Variants in FAM13A observed in about 807,000 individuals in gnomAD.
The protein encoded by FAM13A is protein FAM13A.
FAM13A carries 76 observed loss-of-function variants against 129.6 expected under a neutral mutation model. That is an observed-to-expected ratio of 0.59 (90% confidence interval 0.49 to 0.71). The LOEUF is 0.71. Ranked by LOEUF, FAM13A falls within the 30% of genes least tolerant of loss-of-function variation. The probability of loss-of-function intolerance (pLI) is 0.00; values close to 1 mark genes in which losing one functional copy is unlikely to be tolerated. For synonymous variants in FAM13A, 443 were observed against 449.9 expected (o/e 0.98, Z 0.20); for missense variants, 1,108 against 1,249.3 (o/e 0.89, Z 1.70).
chr4:88,934,587 T>TA (rs1753557990), intron 5 of FAM13A, among the ~76,000 whole-genome samples: 2 of 152,316 alleles, frequency 1.3e-5, no homozygotes, highest in South Asian at 2.1e-4. Flanking sequence ...CTGGAGAAAT[T>TA]AGACTGTGGC....
At chr4:88,947,437 T>C (rs1479650123) in intron 4 of FAM13A, among the ~76,000 whole-genome samples, 1 of 151,942 alleles carries the variant, frequency 6.6e-6, no homozygotes, top group Non-Finnish European at 1.5e-5. Context: ...CACACAGAAA[T>C]GAAGTCGCCC....
intron 6 of FAM13A, among the ~76,000 whole-genome samples, chr4:88,902,858 T>C (rs1442447003): frequency 6.6e-6 from 1 of 151,974 alleles, no homozygotes; most frequent in Non-Finnish European, 1.5e-5. Flanking sequence ...ATCCAGAAAA[T>C]CCCATTATTT....
Position 88,945,990 on chromosome 4 carries a change from G to GTGTGTATATATA in FAM13A, c.606-7750_606-7749insTATATATACACA. Among the ~76,000 whole-genome samples, 608 of 61,546 alleles carry GTGTGTATATATA rather than the reference G, an allele frequency of 9.9e-3. 8 individuals are homozygous for GTGTGTATATATA. Among genetic ancestry groups the GTGTGTATATATA allele is most frequent in the East Asian group, 0.015 (44 of 2,864 alleles). The allele number at this position is 61,546 out of a possible 152,430, so 40.4% of individuals were successfully genotyped here. A position where few individuals can be genotyped will look rare whatever the true frequency, so the allele number is the denominator to read the frequency against. ...TGTGTGTGTGTGTGTGTGTGTGTGT[G>GTGTGTATATATA]TATATATATATATATATATATATAT... On this transcript the variant is annotated intron_variant, in intron 4 of 23. Coordinates refer to ENST00000264344, the MANE Select transcript of FAM13A (RefSeq NM_014883.4).
Position 88,878,287 on chromosome 4 carries a change from CAAAAAAAAAAAAAA to C in FAM13A, c.844-27118_844-27105del, listed in dbSNP as rs56067813. On this transcript the variant is annotated intron_variant, in intron 6 of 23. Transcript: ENST00000264344. ...TGGGCGACAGAGTGAGACTCCATCT[CAAAAAAAAAAAAAA>C]AAAAAAAAAAAAAAAGAAATTTGGT... 7.7e-3 allele frequency among the ~76,000 whole-genome samples: 469 copies of C among 61,094 alleles called. 4 individuals carry two copies. The highest frequency in any genetic ancestry group is 0.033 in the African/African-American group (452 of 13,746). 40.1% of individuals were successfully genotyped at this position (61,094 alleles called of 152,430 possible).
intron 4 of FAM13A, among the ~76,000 whole-genome samples, chr4:88,983,313 T>C (rs946769571): frequency 6.6e-6 from 1 of 151,632 alleles, no homozygotes; most frequent in African/African-American, 2.4e-5. Context: ...TTATGATGGA[T>C]AAAAGAGACT....
At chr4:88,915,786 C>T (rs557504057) in intron 5 of FAM13A, among the ~76,000 whole-genome samples, 1 of 152,018 alleles carries the variant, frequency 6.6e-6, no homozygotes, top group Non-Finnish European at 1.5e-5. Context: ...AAGAGCTCTG[C>T]CCTCAAGAAT....
chr4:88,974,597 C>A (rs147244322), intron 4 of FAM13A, among the ~76,000 whole-genome samples: 1 of 152,132 alleles, frequency 6.6e-6, no homozygotes. Context: ...CTGCCTCAGC[C>A]TCCCGAGTAG....
chr4:88,813,363 G>C lies in FAM13A; in HGVS notation c.1008-8311C>G, dbSNP rs537363420. ...TTATAAACATAAAAACATTGTCTTA[G>C]GGAGGCAGTAATTTAGAACGTAAAA... On this transcript the variant is annotated intron_variant, in intron 7 of 23. Coordinates refer to ENST00000264344, the MANE Select transcript of FAM13A (RefSeq NM_014883.4). Among the ~76,000 whole-genome samples, 3 of 152,228 alleles carry C rather than the reference G, an allele frequency of 2.0e-5. No homozygotes were observed. In the South Asian group the frequency reaches 6.2e-4, roughly 32 times the overall value.
intron 6 of FAM13A, among the ~76,000 whole-genome samples, chr4:88,871,712 A>C (rs1741427961): frequency 6.6e-6 from 1 of 152,232 alleles, no homozygotes; most frequent in South Asian, 2.1e-4. Flanking sequence ...ACCAAGTTGG[A>C]AAACACTCTG....
intron 6 of FAM13A, among the ~76,000 whole-genome samples, chr4:88,853,398 T>A (rs571245554): frequency 3.3e-5 from 5 of 152,224 alleles, no homozygotes; most frequent in East Asian, 3.9e-4. Flanking sequence ...AATACTTTTT[T>A]AAAAAAACAT....
chr4:89,008,980 C>A (rs890063238), intron 3 of FAM13A: 18 of 152,064 alleles, frequency 1.2e-4, no homozygotes, highest in African/African-American at 4.3e-4. Flanking sequence ...TTAAAATGAA[C>A]TCCTCGTCAC....
intron 3 of FAM13A, among the ~76,000 whole-genome samples, chr4:89,009,559 G>A (rs570286970): frequency 6.6e-6 from 1 of 152,292 alleles, no homozygotes; most frequent in African/African-American, 2.4e-5. Context: ...TGAGCTACAT[G>A]GAATTCCCAA....
intron 13 of FAM13A, among the ~76,000 whole-genome samples, chr4:88,763,675 G>T (rs1422710895): frequency 1.3e-5 from 2 of 152,052 alleles, no homozygotes; most frequent in Admixed American, 1.3e-4. Flanking sequence ...TCCTTCCATT[G>T]CCCTGCACAG....
intron 1 of FAM13A, among the ~76,000 whole-genome samples, chr4:89,054,323 G>A (rs1294279445): frequency 2.0e-5 from 3 of 149,218 alleles, no homozygotes; most frequent in Non-Finnish European, 3.0e-5. Flanking sequence ...ACACACGTAC[G>A]TACTACAGAT....
chr4:88,888,654 G>A (rs541322261), intron 6 of FAM13A, among the ~76,000 whole-genome samples: 2 of 152,114 alleles, frequency 1.3e-5, no homozygotes, highest in African/African-American at 2.4e-5. Flanking sequence ...GGCCAGGCAC[G>A]GTGGCTCACG....
intron 21 of FAM13A, chr4:88,732,410 A>G (rs1241336193): frequency 1.2e-5 from 5 of 411,086 alleles, no homozygotes; most frequent in East Asian, 3.6e-5. Flanking sequence ...TAGCCACTCA[A>G]TAGAGAAAAC....
intron 11 of FAM13A, among the ~76,000 whole-genome samples, chr4:88,770,917 G>A (rs2149562809): frequency 6.6e-6 from 1 of 152,278 alleles, no homozygotes; most frequent in South Asian, 2.1e-4. Flanking sequence ...TTGAGGTTTT[G>A]TAGACGTAGT....
intron 7 of FAM13A, among the ~76,000 whole-genome samples, chr4:88,806,053 C>G (rs1728489510): frequency 6.6e-6 from 1 of 152,016 alleles, no homozygotes; most frequent in Non-Finnish European, 1.5e-5. Context: ...AATAAATGAT[C>G]TCAAAGTATA....
intron 4 of FAM13A, among the ~76,000 whole-genome samples, chr4:88,973,626 C>T (rs1760463117): frequency 6.6e-6 from 1 of 152,168 alleles, no homozygotes; most frequent in African/African-American, 2.4e-5. Flanking sequence ...AACATCCCTG[C>T]CTTATCCAAG....
Sources: allele counts gnomAD v4.1 joint callset (sites outside exome capture counted in the v4.1 genomes callset), GRCh38; gene constraint gnomAD v4.1.1; transcripts MANE v1.5; gene names NCBI Gene and HGNC (gene_info 2026-07-23, HGNC 2026-07-21).